Variants in TBXAS1 observed in about 807,000 individuals in gnomAD.
The protein encoded by TBXAS1 is thromboxane A synthase 1.
In TBXAS1, 48 loss-of-function variants were observed where a neutral mutation model predicts 60.7. The observed-to-expected ratio is 0.79, with a 90% CI of 0.63 to 1.01. The LOEUF is 1.01. TBXAS1 is among the 50% of genes least tolerant of loss of function. TBXAS1 has a pLI of 0.00. For missense variants in TBXAS1, 685 were observed against 686.3 expected (o/e 1.00, Z 0.02); for synonymous variants, 287 against 269.7 (o/e 1.06, Z -0.63).
intron 9 of TBXAS1, among the ~76,000 whole-genome samples, chr7:139,980,038 C>A (rs1046462320): frequency 6.6e-6 from 1 of 151,590 alleles, no homozygotes; most frequent in Non-Finnish European, 1.5e-5. Context: ...TGTCATTTAT[C>A]GATTTATTGC....
intron 4 of TBXAS1, among the ~76,000 whole-genome samples, chr7:139,809,913 C>G (rs35887357): frequency 0.016 from 2,495 of 152,292 alleles, 34 homozygotes; most frequent in Non-Finnish European, 0.027. Context: ...CTAGGCATCC[C>G]TTGAGCCAAT....
intron 9 of TBXAS1, among the ~76,000 whole-genome samples, chr7:139,976,904 C>T (rs1179370917): frequency 1.3e-5 from 2 of 152,090 alleles, no homozygotes; most frequent in Admixed American, 1.3e-4. Flanking sequence ...TAGAAAAGTC[C>T]CTCATCAGAT....
intron 9 of TBXAS1, among the ~76,000 whole-genome samples, chr7:139,997,408 T>C (rs1052370931): frequency 6.6e-6 from 1 of 152,214 alleles, no homozygotes; most frequent in Non-Finnish European, 1.5e-5. Context: ...GAATCCTAAA[T>C]ATTACCAAAC....
Position 139,829,455 on chromosome 7 carries a change from T to C in TBXAS1, c.65T>C (p.Val22Ala). The C allele has an allele frequency of 1.2e-6, 2 of 1,613,920 alleles. No homozygotes were observed. Among genetic ancestry groups the C allele is most frequent in the Non-Finnish European group, 8.5e-7 (1 of 1,179,940 alleles). Residue 22 changes from valine to alanine, a missense_variant, in exon 1 of 13, where the codon GTG becomes GCG. By Grantham distance (64) the Val-to-Ala change is moderately conservative (BLOSUM62 0). Coordinates refer to ENST00000448866, the MANE Select transcript of TBXAS1 (RefSeq NM_001061.7). ...CCCATGGTGACGGTGGCCCTGTCAG[T>C]GGCTCTCTTGGCCCTCCTGAAATGG... ...NGPMVTVALS[V>A]ALLALLKWYS...
rs181885122 is a variant in TBXAS1 at position 139,885,190 on chromosome 7, G to A, written c.236+9553G>A. On this transcript the variant is annotated intron_variant, in intron 3 of 12. Transcript: ENST00000448866. ...ACTGTATATCACGTTCAAGGTGGAA[G>A]GGAACTAACTCATTCCTCATTAGTA... is the stretch of plus-strand genomic sequence containing the variant. Among the ~76,000 whole-genome samples the A allele has an allele frequency of 4.6e-5, 7 of 152,318 alleles. No individual in the cohort carries two copies. In the South Asian group the frequency reaches 6.2e-4, roughly 14 times the overall value.
rs1812354453 is a variant in TBXAS1, at chr7:139,985,175, T to C, written c.1135-21916T>C. Among the ~76,000 whole-genome samples the C allele has an allele frequency of 2.0e-5, 3 of 152,354 alleles. No homozygotes were observed. In the South Asian group the frequency reaches 6.2e-4, roughly 32 times the overall value. ...CCTCCAATTAATTCATTTCCCTGTG[T>C]CTTCCATCCATGGTTTCAAACTCTG... is the stretch of plus-strand genomic sequence containing the variant. On this transcript the variant is annotated intron_variant, in intron 9 of 12. Coordinates refer to ENST00000448866, the MANE Select transcript of TBXAS1 (RefSeq NM_001061.7).
chr7:139,841,776 C>T (rs550783945), intron 1 of TBXAS1, among the ~76,000 whole-genome samples: 6 of 152,280 alleles, frequency 3.9e-5, no homozygotes, highest in South Asian at 2.1e-4. Flanking sequence ...AATACTTATA[C>T]AGCCAAATGA....
upstream of TBXAS1, among the ~76,000 whole-genome samples, chr7:139,824,824 CTTTTCT>C (rs1798393001): frequency 7.9e-6 from 1 of 127,114 alleles, no homozygotes; most frequent in Admixed American, 8.2e-5. Flanking sequence ...TTTTCTTTTC[CTTTTCT>C]TTTTTTTTTT....
At chr7:139,784,969 T>C (rs1390808632) in intron 3 of TBXAS1, among the ~76,000 whole-genome samples, 2 of 152,196 alleles carry the variant, frequency 1.3e-5, no homozygotes, top group African/African-American at 4.8e-5. Context: ...TTGGGCTGCC[T>C]GCATCGAAGG....
chr7:139,865,844 G>A (rs1316116330), intron 1 of TBXAS1, among the ~76,000 whole-genome samples: 1 of 105,174 alleles, frequency 9.5e-6, no homozygotes, highest in African/African-American at 3.8e-5. Flanking sequence ...GGGAAAGGAA[G>A]AAGGAAGGAG....
intron 9 of TBXAS1, among the ~76,000 whole-genome samples, chr7:139,970,284 T>G (rs1811101167): frequency 6.6e-6 from 1 of 152,312 alleles, no homozygotes; most frequent in South Asian, 2.1e-4. Flanking sequence ...TTTTTGTATT[T>G]TTAGTAGAGA....
intron 4 of TBXAS1, among the ~76,000 whole-genome samples, chr7:139,914,357 G>C (rs1299161858): frequency 1.3e-5 from 2 of 152,092 alleles, no homozygotes; most frequent in Non-Finnish European, 2.9e-5. Context: ...ACTTAAAAAA[G>C]AGCTGGGGCA....
chr7:139,905,035 CT>C (rs1182147735), intron 3 of TBXAS1, among the ~76,000 whole-genome samples: 5 of 86,636 alleles, frequency 5.8e-5, no homozygotes, highest in African/African-American at 2.7e-4. Context: ...TTCTTTCTTT[CT>C]TTCTTTCTTT....
intron 3 of TBXAS1, among the ~76,000 whole-genome samples, chr7:139,899,398 C>T (rs1425307048): frequency 6.6e-6 from 1 of 152,156 alleles, no homozygotes; most frequent in African/African-American, 2.4e-5. Context: ...CAGGCTAATC[C>T]CAACAGTCTA....
exon 3 of TBXAS1, chr7:139,782,700 G>C (rs552051025): frequency 6.6e-6 from 1 of 152,310 alleles, no homozygotes; most frequent in Non-Finnish European, 1.5e-5. Context: ...TGTGCCTGTG[G>C]TTTATCTCTG....
chr7:139,835,808 C>T (rs1469716593), intron 1 of TBXAS1, among the ~76,000 whole-genome samples: 1 of 152,070 alleles, frequency 6.6e-6, no homozygotes, highest in East Asian at 1.9e-4. Flanking sequence ...AAATAAAGGG[C>T]ATCTGAATTG....
chr7:139,816,655 T>C (rs1343849387), intron 4 of TBXAS1, among the ~76,000 whole-genome samples: 1 of 152,238 alleles, frequency 6.6e-6, no homozygotes, highest in Non-Finnish European at 1.5e-5. Context: ...CCAGAATTAC[T>C]GAATCAGAAA....
intron 5 of TBXAS1, among the ~76,000 whole-genome samples, chr7:139,946,801 G>A (rs905718276): frequency 1.3e-5 from 2 of 152,174 alleles, no homozygotes; most frequent in African/African-American, 4.8e-5. Context: ...TTGCAGATGA[G>A]GAACTAGACT....
At chr7:139,846,568 A>C (rs936542520) in intron 1 of TBXAS1, among the ~76,000 whole-genome samples, 4 of 152,246 alleles carry the variant, frequency 2.6e-5, no homozygotes, top group Admixed American at 6.5e-5. Flanking sequence ...CAAAAACTGC[A>C]TAGACGCTGG....
Sources: allele counts gnomAD v4.1 joint callset (sites outside exome capture counted in the v4.1 genomes callset), GRCh38; gene constraint gnomAD v4.1.1; transcripts MANE v1.5; gene names NCBI Gene and HGNC (gene_info 2026-07-23, HGNC 2026-07-21).